Variants in ST3GAL6 observed in about 807,000 individuals in gnomAD.
ST3GAL6 encodes type 2 lactosamine alpha-2,3-sialyltransferase.
A neutral mutation model predicts 40.5 loss-of-function variants in ST3GAL6; 31 were observed. That is an observed-to-expected ratio of 0.77 (90% CI 0.58 to 1.03). The LOEUF (loss-of-function observed/expected upper bound fraction) is 1.03. Ranked by LOEUF, ST3GAL6 falls within the 50% of genes least tolerant of loss-of-function variation. The probability of loss-of-function intolerance (pLI) is 0.00; values close to 1 mark genes in which losing one functional copy is unlikely to be tolerated. For missense variants in ST3GAL6, 357 were observed against 393.2 expected, an observed-to-expected ratio of 0.91 and a Z score of 0.78; for synonymous variants, 129 against 136.9, an observed-to-expected ratio of 0.94 and a Z score of 0.40.
chr3:98,746,470 C>T (rs1936562501), intron 1 of ST3GAL6, among the ~76,000 whole-genome samples: 1 of 151,966 alleles, frequency 6.6e-6, no homozygotes, highest in African/African-American at 2.4e-5. Flanking sequence ...TTTCTTCTCC[C>T]CTCTGCCCCA....
chr3:98,795,570 T>TTGA lies in ST3GAL6; in HGVS notation c.*1811_*1813dup, dbSNP rs751296612. 5 of 152,286 alleles carry TTGA rather than the reference T, an allele frequency of 3.3e-5. No individual in the cohort carries two copies. In the East Asian group the frequency reaches 5.8e-4, roughly 18 times the overall value. The allele number at this position is 152,286 out of a possible 1,614,324, so 9.4% of individuals were successfully genotyped here. A position where few individuals can be genotyped will look rare whatever the true frequency, so the allele number is the denominator to read the frequency against. On this transcript the variant is annotated 3_prime_UTR_variant, in exon 10 of 10. Transcript: ENST00000483910. Reference sequence around the variant, plus strand: ...CTGCAGTGTGGCTGCTGAAGTTCAATTGATATAAAGTAAATCAGGCTTCAA... The same window carrying TTGA: ...CTGCAGTGTGGCTGCTGAAGTTCAATTGATGATATAAAGTAAATCAGGCTTCAA...
intron 8 of ST3GAL6, among the ~76,000 whole-genome samples, chr3:98,790,332 C>T (rs1035937454): frequency 2.0e-5 from 3 of 152,114 alleles, no homozygotes; most frequent in African/African-American, 2.4e-5. Context: ...GCTGAAGTTA[C>T]ATCTCATCCA....
chr3:98,756,586 A>G, intron 1 of ST3GAL6: 1 of 1,186,426 alleles, frequency 8.4e-7, no homozygotes. Context: ...CTTAAATGTA[A>G]ACTTGAGCAC....
intron 5 of ST3GAL6, among the ~76,000 whole-genome samples, chr3:98,780,481 A>AT (rs1939989964): frequency 6.6e-6 from 1 of 152,220 alleles, no homozygotes; most frequent in African/African-American, 2.4e-5. Flanking sequence ...AGGAAAAAAA[A>AT]GTAGAATGAA....
At chr3:98,744,972 T>C (rs1936426482) in intron 1 of ST3GAL6, among the ~76,000 whole-genome samples, 1 of 152,078 alleles carries the variant, frequency 6.6e-6, no homozygotes, top group Non-Finnish European at 1.5e-5. Flanking sequence ...ACATGGGATG[T>C]TCCTTACTCA....
At chr3:98,760,995 A>T (rs1365017854), upstream of ST3GAL6, among the ~76,000 whole-genome samples, 2 of 152,264 alleles carry the variant, frequency 1.3e-5, no homozygotes, top group African/African-American at 4.8e-5. Flanking sequence ...GATTCAATTT[A>T]TATGAAATTT....
At chr3:98,738,113 C>T (rs1041182017) in intron 1 of ST3GAL6, among the ~76,000 whole-genome samples, 23 of 126,516 alleles carry the variant, frequency 1.8e-4, no homozygotes, top group African/African-American at 5.5e-4. Context: ...CGCCTTTCCT[C>T]CTACTCCAAT....
chr3:98,780,816 G>A (rs1576113834), intron 5 of ST3GAL6, among the ~76,000 whole-genome samples: 1 of 152,268 alleles, frequency 6.6e-6, no homozygotes, highest in Admixed American at 6.5e-5. Flanking sequence ...ATTATCTAGG[G>A]CTTGATGACC....
chr3:98,736,178 G>A (rs1935529353), intron 1 of ST3GAL6, among the ~76,000 whole-genome samples: 2 of 152,120 alleles, frequency 1.3e-5, no homozygotes. Flanking sequence ...GCACCATTGA[G>A]ATAGAGGGAA....
chr3:98,736,631 C>A (rs941908277), intron 1 of ST3GAL6, among the ~76,000 whole-genome samples: 16 of 152,146 alleles, frequency 1.1e-4, no homozygotes, highest in Non-Finnish European at 2.9e-5. Context: ...TGTGGTCATC[C>A]ATGAGATGGG....
At chr3:98,749,776 G>A (rs1438901730) in intron 1 of ST3GAL6, among the ~76,000 whole-genome samples, 1 of 152,230 alleles carries the variant, frequency 6.6e-6, no homozygotes, top group Admixed American at 6.5e-5. Flanking sequence ...GCTTTCAAGT[G>A]TAAGGAAGGG....
At chr3:98,778,441 T>A (rs1939757395) in intron 5 of ST3GAL6, among the ~76,000 whole-genome samples, 1 of 152,252 alleles carries the variant, frequency 6.6e-6, no homozygotes, top group African/African-American at 2.4e-5. Context: ...ATTCTGCTGT[T>A]TTGCAGAGTT....
chr3:98,742,814 C>T (rs1194726711), intron 1 of ST3GAL6, among the ~76,000 whole-genome samples: 1 of 151,438 alleles, frequency 6.6e-6, no homozygotes, highest in Non-Finnish European at 1.5e-5. Context: ...TCTCCTGCCT[C>T]AGCCTTCCAA....
intron 1 of ST3GAL6, among the ~76,000 whole-genome samples, chr3:98,764,592 A>G (rs192286918): frequency 1.3e-3 from 196 of 152,330 alleles, no homozygotes; most frequent in Non-Finnish European, 2.0e-3. Context: ...TCACTTGTGA[A>G]AGCTCACATC....
At chr3:98,758,977 C>A (rs1466068633), upstream of ST3GAL6, among the ~76,000 whole-genome samples, 1 of 152,144 alleles carries the variant, frequency 6.6e-6, no homozygotes, top group Non-Finnish European at 1.5e-5. Context: ...TGATACAACT[C>A]ATCAGAAGAA....
At chr3:98,767,099 A>T (rs774655110) in intron 1 of ST3GAL6, among the ~76,000 whole-genome samples, 3 of 152,188 alleles carry the variant, frequency 2.0e-5, no homozygotes, top group Non-Finnish European at 4.4e-5. Context: ...GAATAGTGGC[A>T]TGTGGGGGTG....
intron 1 of ST3GAL6, among the ~76,000 whole-genome samples, chr3:98,766,622 C>T (rs550916157): frequency 1.2e-4 from 19 of 152,038 alleles, no homozygotes; most frequent in South Asian, 8.3e-4. Flanking sequence ...GGTGTTTCAC[C>T]ATCTTGGCCA....
intron 1 of ST3GAL6, among the ~76,000 whole-genome samples, chr3:98,749,259 C>T (rs1014780059): frequency 1.3e-5 from 2 of 151,810 alleles, no homozygotes; most frequent in African/African-American, 2.4e-5. Context: ...TGTTTCATTT[C>T]ATAAAAAAAT....
At chr3:98,738,490 C>G (rs899691493) in intron 1 of ST3GAL6, among the ~76,000 whole-genome samples, 3 of 152,128 alleles carry the variant, frequency 2.0e-5, no homozygotes, top group African/African-American at 7.2e-5. Context: ...GTTGCCCAGT[C>G]TAGTCTTGAA....
Sources: allele counts gnomAD v4.1 joint callset (sites outside exome capture counted in the v4.1 genomes callset), GRCh38; gene constraint gnomAD v4.1.1; transcripts MANE v1.5; gene names NCBI Gene and HGNC (gene_info 2026-07-23, HGNC 2026-07-21).